The following RGS9 variants were observed in gnomAD, a reference collection of about 807,000 sequenced individuals.
RGS9 encodes regulator of G protein signaling 9, also known as regulator of G-protein signalling 9.
In RGS9, 78 loss-of-function variants were observed where a neutral mutation model predicts 102.0. The ratio of observed to expected loss-of-function variants is 0.76; its 90% CI spans 0.64 to 0.92. The LOEUF (loss-of-function observed/expected upper bound fraction) is 0.92, where lower values mean the gene tolerates loss of function less well. Ranked by LOEUF, RGS9 falls within the 40% of genes least tolerant of loss-of-function variation. RGS9 has a pLI of 0.00. For missense variants in RGS9, 833 were observed against 866.1 expected (o/e 0.96, Z 0.48); for synonymous variants, 353 against 318.6 (o/e 1.11, Z -1.15).
At chr17:65,157,623 C>T (rs1910815493) in intron 2 of RGS9, among the ~76,000 whole-genome samples, 1 of 151,882 alleles carries the variant, frequency 6.6e-6, no homozygotes, top group Non-Finnish European at 1.5e-5. Context: ...TTTGCAGGGC[C>T]TGGGGCGAGA....
Position 65,227,699 on chromosome 17 carries a change from T to G in RGS9, c.*292T>G, listed in dbSNP as rs1023095915. ...AATAAAAGGTTAACTTTAAGTTTCT[T>G]GGAATGTTAGTGTGTGTCTGGTTTT... On this transcript the variant is annotated 3_prime_UTR_variant, in exon 19 of 19. Transcript: ENST00000262406. 1 of 453,400 alleles carries G rather than the reference T, an allele frequency of 2.2e-6. No individual in the cohort carries two copies. The highest frequency in any genetic ancestry group is 4.1e-6 in the Non-Finnish European group (1 of 244,254). The allele number at this position is 453,400 out of a possible 1,614,324, so 28.1% of individuals were successfully genotyped here.
Position 65,188,905 on chromosome 17 carries a change from G to A in RGS9, c.655-381G>A, listed in dbSNP as rs149816729. The A allele has an allele frequency of 3.8e-3, 966 of 256,362 alleles. 7 individuals are homozygous for A. The highest frequency in any genetic ancestry group is 0.022 in the East Asian group (226 of 10,274). 15.9% of individuals were successfully genotyped at this position (256,362 alleles called of 1,614,324 possible). On this transcript the variant is annotated intron_variant, in intron 9 of 18. Coordinates refer to ENST00000262406, the MANE Select transcript of RGS9 (RefSeq NM_003835.4). ...GCTGGGATTACAGGCTTGAGCCACC[G>A]CACCTGGCCTTCCCCATTTTTCTCT...
At chr17:65,179,635 C>CTGTG (rs56275900) in intron 9 of RGS9, among the ~76,000 whole-genome samples, 4,481 of 124,996 alleles carry the variant, frequency 0.036, 98 homozygotes, top group Middle Eastern at 0.068. Flanking sequence ...TACTGCTCAG[C>CTGTG]TGTGTGTGTG....
intron 1 of RGS9, 148 bp downstream of exon 1, chr17:65,137,745 G>T (rs1013980976): frequency 1.9e-5 from 13 of 697,830 alleles, no homozygotes; most frequent in Admixed American, 1.1e-4. Context: ...TTTGCTGTGT[G>T]TGTCGATATT....
intron 8 of RGS9, among the ~76,000 whole-genome samples, chr17:65,169,511 T>C (rs571169138): frequency 1.3e-4 from 20 of 152,128 alleles, no homozygotes; most frequent in Non-Finnish European, 2.6e-4. Flanking sequence ...GTGGTGAGGA[T>C]AAGGAGACAT....
At chr17:65,218,096 A>C (rs1253834164) in intron 17 of RGS9, among the ~76,000 whole-genome samples, 2 of 152,162 alleles carry the variant, frequency 1.3e-5, no homozygotes, top group Non-Finnish European at 2.9e-5. Flanking sequence ...TCAAGCTAGG[A>C]GAGGGAAGAA....
At chr17:65,148,159 A>G (rs1002546216) in intron 1 of RGS9, among the ~76,000 whole-genome samples, 2 of 152,202 alleles carry the variant, frequency 1.3e-5, no homozygotes, top group African/African-American at 2.4e-5. Context: ...TGTAAGTGGA[A>G]TCGTGTGGTA....
intron 1 of RGS9, among the ~76,000 whole-genome samples, chr17:65,152,018 A>G (rs977556645): frequency 1.3e-5 from 2 of 152,224 alleles, no homozygotes; most frequent in African/African-American, 4.8e-5. Flanking sequence ...CCGACAATGT[A>G]TTAACTAGGT....
At position 65,160,163 on chromosome 17, in the gene RGS9, C is replaced by T. The variant is rs572019632; in HGVS notation, c.206-70C>T. 6.2e-4 allele frequency: 758 copies of T among 1,219,944 alleles called. 2 individuals are homozygous for T. The African/African-American group carries it at 9.6e-3, about 15-fold the overall frequency. The allele number at this position is 1,219,944 out of a possible 1,614,324, so 75.6% of individuals were successfully genotyped here. A position where few individuals can be genotyped will look rare whatever the true frequency, so the allele number is the denominator to read the frequency against. On this transcript the variant is annotated intron_variant, in intron 3 of 18. Coordinates refer to ENST00000262406, the MANE Select transcript of RGS9 (RefSeq NM_003835.4). Reference sequence around the variant, plus strand: ...GCACCTGTCCTGGAGTTTGGGGTGCCGTGGGGGCCGGCAATGAGCTCCTGT... The same window carrying T: ...GCACCTGTCCTGGAGTTTGGGGTGCTGTGGGGGCCGGCAATGAGCTCCTGT...
chr17:65,217,679 C>T (rs1040693742), intron 17 of RGS9, among the ~76,000 whole-genome samples: 2 of 151,602 alleles, frequency 1.3e-5, no homozygotes, highest in South Asian at 2.1e-4. Context: ...CAAAGGACAG[C>T]GTGAGGTGGG....
chr17:65,214,119 G>T (rs918415624), intron 17 of RGS9, among the ~76,000 whole-genome samples: 1 of 152,086 alleles, frequency 6.6e-6, no homozygotes, highest in East Asian at 1.9e-4. Flanking sequence ...GCGCCACCAG[G>T]CTTGGCTAAT....
chr17:65,145,621 C>G (rs1050467577), intron 1 of RGS9, among the ~76,000 whole-genome samples: 2 of 151,648 alleles, frequency 1.3e-5, no homozygotes, highest in Non-Finnish European at 2.9e-5. Context: ...TCTCGAACTC[C>G]TGACCTTGAG....
At chr17:65,217,868 G>A (rs1913571242) in intron 17 of RGS9, among the ~76,000 whole-genome samples, 1 of 152,076 alleles carries the variant, frequency 6.6e-6, no homozygotes, top group Non-Finnish European at 1.5e-5. Context: ...TGGAAGGGAA[G>A]GAAGCTGAAG....
intron 8 of RGS9, among the ~76,000 whole-genome samples, chr17:65,177,076 T>TCCATCCAC (rs1281213661): frequency 2.0e-5 from 3 of 149,260 alleles, no homozygotes; most frequent in African/African-American, 7.4e-5. Context: ...CATCCATCCA[T>TCCATCCAC]CCATCCATCC....
At chr17:65,190,422 T>C (rs1430078461) in intron 11 of RGS9, among the ~76,000 whole-genome samples, 186 bp downstream of exon 11, 1 of 152,338 alleles carries the variant, frequency 6.6e-6, no homozygotes, top group Non-Finnish European at 1.5e-5. Flanking sequence ...GGGTCTCATC[T>C]TGGGTTATGC....
chr17:65,227,016 T>C (rs1905717523), intron 18 of RGS9, among the ~76,000 whole-genome samples: 1 of 152,054 alleles, frequency 6.6e-6, no homozygotes, highest in African/African-American at 2.4e-5. Flanking sequence ...ACCTCAAAAA[T>C]GAAAACAAAG....
At chr17:65,195,244 G>A (rs898392609) in intron 12 of RGS9, among the ~76,000 whole-genome samples, 6 of 152,204 alleles carry the variant, frequency 3.9e-5, no homozygotes, top group African/African-American at 1.4e-4. Flanking sequence ...GAGGGCTTGG[G>A]GAGGAGAGAT....
At chr17:65,151,017 G>C (rs1301126836) in intron 1 of RGS9, among the ~76,000 whole-genome samples, 1 of 152,162 alleles carries the variant, frequency 6.6e-6, no homozygotes, top group African/African-American at 2.4e-5. Flanking sequence ...AGTCATCTTT[G>C]TTGACTAGTG....
At chr17:65,141,226 T>C (rs79071227) in intron 1 of RGS9, among the ~76,000 whole-genome samples, 34 of 152,328 alleles carry the variant, frequency 2.2e-4, no homozygotes, top group Admixed American at 1.2e-3. Flanking sequence ...GGGAATTAGC[T>C]GATGGCACAC....
Sources: gnomAD v4.1 joint callset for allele counts (sites outside exome capture counted in the v4.1 genomes callset) on GRCh38, gnomAD v4.1.1 for gene constraint, MANE v1.5 for transcripts, NCBI Gene and HGNC (gene_info 2026-07-23, HGNC 2026-07-21) for gene names.